The following ANO5 variants were observed in gnomAD, a reference collection of about 807,000 sequenced individuals.
ANO5 encodes the protein anoctamin-5.
ANO5 carries 109 observed loss-of-function variants against 121.0 expected under a neutral mutation model. That is an observed-to-expected ratio of 0.90 (90% CI 0.77 to 1.06). ANO5 has a LOEUF of 1.06. ANO5 is among the 50% of genes least tolerant of loss of function. The pLI is 0.00. For missense variants in ANO5, 1,064 were observed against 1,078.5 expected, an observed-to-expected ratio of 0.99 and a Z score of 0.19; for synonymous variants, 406 against 359.9, an observed-to-expected ratio of 1.13 and a Z score of -1.45.
intron 19 of ANO5, among the ~76,000 whole-genome samples, chr11:22,274,019 G>A (rs1854735510): frequency 6.6e-6 from 1 of 151,918 alleles, no homozygotes; most frequent in South Asian, 2.1e-4. Context: ...AAAGAAATAT[G>A]CTATTTATAC....
At chr11:22,240,468 A>G (rs1418837868) in intron 9 of ANO5, among the ~76,000 whole-genome samples, 1 of 152,068 alleles carries the variant, frequency 6.6e-6, no homozygotes, top group Admixed American at 6.6e-5. Context: ...GAATGGATCC[A>G]TCCAAATCAA....
chr11:22,251,273 C>T (rs1279140540), intron 12 of ANO5, among the ~76,000 whole-genome samples: 1 of 152,176 alleles, frequency 6.6e-6, no homozygotes, highest in Admixed American at 6.5e-5. Flanking sequence ...TTCCCACTGT[C>T]TTTCAGTGCC....
chr11:22,208,708 A>T (rs12281250), intron 2 of ANO5, among the ~76,000 whole-genome samples: 1,743 of 152,078 alleles, frequency 0.011, 33 homozygotes, highest in African/African-American at 0.039. Context: ...TACTGTGGTT[A>T]TGTAAGATGG....
At chr11:22,249,691 A>G (rs144143444) in intron 9 of ANO5, among the ~76,000 whole-genome samples, 1 of 152,120 alleles carries the variant, frequency 6.6e-6, no homozygotes, top group Non-Finnish European at 1.5e-5. Flanking sequence ...GTCATGTTTA[A>G]TTCCTTGGCC....
At chr11:22,259,129 T>A in intron 14 of ANO5, among the ~76,000 whole-genome samples, 1 of 76,550 alleles carries the variant, frequency 1.3e-5, no homozygotes, top group Non-Finnish European at 2.5e-5. Context: ...CGAGACTCTG[T>A]CTCAAAAAAA....
intron 8 of ANO5, among the ~76,000 whole-genome samples, chr11:22,238,686 T>G (rs1015863721): frequency 6.6e-6 from 1 of 152,148 alleles, no homozygotes; most frequent in South Asian, 2.1e-4. Context: ...ATTTAACACC[T>G]TATCATATAA....
chr11:22,230,645 C>T (rs555016257), intron 7 of ANO5, among the ~76,000 whole-genome samples: 1 of 152,128 alleles, frequency 6.6e-6, no homozygotes, highest in East Asian at 1.9e-4. Flanking sequence ...TAAAGCCAAA[C>T]TTTTAACTAC....
intron 4 of ANO5, among the ~76,000 whole-genome samples, chr11:22,219,052 A>G (rs969358359): frequency 3.3e-5 from 5 of 152,232 alleles, no homozygotes; most frequent in South Asian, 2.1e-4. Flanking sequence ...TGTTAGTAAC[A>G]TTCAGTTATA....
chr11:22,255,037 C>CA lies in ANO5; in HGVS notation c.1181-325dup, dbSNP rs201787309. ...TTCAATAAAAGATAAAAGATACATG[C>CA]AAAAAAAAATATTTCAGTGTTAATA... is the stretch of plus-strand genomic sequence containing the variant. On this transcript the variant is annotated intron_variant, in intron 12 of 21. Transcript: ENST00000324559. Among the ~76,000 whole-genome samples, 20 of 148,844 alleles carry CA rather than the reference C, an allele frequency of 1.3e-4. No individual in the cohort carries two copies. In the East Asian group the frequency reaches 2.5e-3, roughly 19 times the overall value.
At chr11:22,266,735 T>C (rs1183417259) in intron 17 of ANO5, among the ~76,000 whole-genome samples, 1 of 152,218 alleles carries the variant, frequency 6.6e-6, no homozygotes, top group Non-Finnish European at 1.5e-5. Context: ...CTTTTTATTT[T>C]TTAATAATAT....
chr11:22,242,983 C>A (rs2133678290), intron 9 of ANO5, among the ~76,000 whole-genome samples: 1 of 151,940 alleles, frequency 6.6e-6, no homozygotes. Flanking sequence ...TATTTCATTT[C>A]TCAAGGGGAA....
intron 7 of ANO5, among the ~76,000 whole-genome samples, chr11:22,229,510 G>A (rs780509722): frequency 1.4e-4 from 21 of 151,832 alleles, no homozygotes; most frequent in African/African-American, 2.7e-4. Flanking sequence ...ATTTCAAGTC[G>A]TAACTCTGCT....
chr11:22,216,175 A>G (rs1178555935), intron 3 of ANO5, among the ~76,000 whole-genome samples: 5 of 151,954 alleles, frequency 3.3e-5, no homozygotes, highest in Non-Finnish European at 1.5e-5. Flanking sequence ...TTAGAGATGT[A>G]TGTTTTCATT....
At chr11:22,200,171 C>T (rs879316180) in intron 1 of ANO5, among the ~76,000 whole-genome samples, 9 of 152,058 alleles carry the variant, frequency 5.9e-5, no homozygotes, top group East Asian at 3.9e-4. Context: ...CACACAGTGA[C>T]GGTCATAAGT....
chr11:22,269,580 AAAG>A (rs1564948869), intron 17 of ANO5, among the ~76,000 whole-genome samples: 1 of 147,274 alleles, frequency 6.8e-6, no homozygotes, highest in East Asian at 3.1e-4. Context: ...AGAAAAAAAG[AAAG>A]AAAGAGAAAG....
chr11:22,225,116 A>G (rs1852780092), intron 5 of ANO5, among the ~76,000 whole-genome samples: 1 of 150,546 alleles, frequency 6.6e-6, no homozygotes, highest in African/African-American at 2.5e-5. Flanking sequence ...TTTTAACTCA[A>G]TAAAAATGTT....
chr11:22,246,341 T>C (rs1465180152), intron 9 of ANO5, among the ~76,000 whole-genome samples: 3 of 152,144 alleles, frequency 2.0e-5, no homozygotes, highest in Admixed American at 1.3e-4. Flanking sequence ...TTTTCCCCTA[T>C]AATTTCTTAA....
chr11:22,203,517 G>A (rs1356412158), intron 1 of ANO5, among the ~76,000 whole-genome samples: 9 of 152,030 alleles, frequency 5.9e-5, no homozygotes, highest in African/African-American at 9.7e-5. Flanking sequence ...TGTGGTTATA[G>A]GTTGATAACC....
At chr11:22,254,139 A>C (rs941203389) in intron 12 of ANO5, among the ~76,000 whole-genome samples, 6 of 152,232 alleles carry the variant, frequency 3.9e-5, no homozygotes, top group East Asian at 3.9e-4. Flanking sequence ...TAAACAAACA[A>C]AAAAACAACA....
Sources: allele counts gnomAD v4.1 joint callset (sites outside exome capture counted in the v4.1 genomes callset), GRCh38; gene constraint gnomAD v4.1.1; transcripts MANE v1.5; gene names NCBI Gene and HGNC (gene_info 2026-07-23, HGNC 2026-07-21).